Variants in TENM1 observed in about 807,000 individuals in gnomAD.
TENM1 encodes the protein teneurin-1.
A neutral mutation model predicts 174.8 loss-of-function variants in TENM1; 35 were observed. The observed-to-expected ratio is 0.20, with a 90% confidence interval of 0.15 to 0.27. The LOEUF (loss-of-function observed/expected upper bound fraction) is 0.27. Among genes scored for constraint, TENM1 ranks in the 10% least tolerant of loss-of-function variants. TENM1 has a pLI of 1.00. For synonymous variants in TENM1, 781 were observed against 798.7 expected (o/e 0.98, Z 0.37); for missense variants, 1,633 against 2,130.1 (o/e 0.77, Z 4.59).
intron 3 of TENM1, among the ~76,000 whole-genome samples, chrX:124,866,348 CAA>C (rs1468377285): frequency 9.0e-6 from 1 of 111,582 alleles, no homozygotes; most frequent in Non-Finnish European, 1.9e-5. Context: ...AAATTAATAA[CAA>C]GAGGAATTTT....
chrX:124,531,380 A>C lies in TENM1; in HGVS notation c.2652-1397T>G, dbSNP rs1239704103. 2.7e-5 allele frequency among the ~76,000 whole-genome samples: 3 copies of C among 110,967 alleles called. No individual in the cohort carries two copies. The East Asian group carries it at 8.6e-4, about 32-fold the overall frequency. The stretch of plus-strand genomic sequence containing the variant: ...GAATAAGCTACAGATGGTAGCTTAT[A>C]ATAAGCCAGAGTTGGTTGTATATGT... On this transcript the variant is annotated intron_variant, in intron 15 of 31. Transcript: ENST00000422452.
At chrX:124,657,786 C>A (rs1403524568) in intron 6 of TENM1, among the ~76,000 whole-genome samples, 3 of 111,573 alleles carry the variant, frequency 2.7e-5, no homozygotes, top group Non-Finnish European at 3.8e-5. Context: ...ATGGTATAGC[C>A]CATAACAGCA....
chrX:124,915,589 C>T (rs752759199), intron 1 of TENM1, among the ~76,000 whole-genome samples: 1 of 112,406 alleles, frequency 8.9e-6, no homozygotes, highest in East Asian at 2.8e-4. Context: ...CATTGTATAA[C>T]CAGTATCCAA....
intron 11 of TENM1, among the ~76,000 whole-genome samples, chrX:124,587,876 G>T (rs201745684): frequency 9.0e-6 from 1 of 111,219 alleles, no homozygotes; most frequent in Non-Finnish European, 1.9e-5. Context: ...AAAAGTGGGC[G>T]AAGGACATGA....
intron 4 of TENM1, among the ~76,000 whole-genome samples, chrX:124,717,975 T>C (rs986514891): frequency 2.7e-5 from 3 of 112,603 alleles, no homozygotes; most frequent in Non-Finnish European, 3.8e-5. Flanking sequence ...ATACTACTTT[T>C]ATAAGGTCCG....
intron 1 of TENM1, among the ~76,000 whole-genome samples, chrX:124,917,752 C>T (rs765365408): frequency 8.9e-6 from 1 of 111,879 alleles, no homozygotes; most frequent in East Asian, 2.8e-4. Context: ...ACTCTGAACA[C>T]CCCTGTCTAA....
At chrX:125,029,953 A>C in the TENM1 span, among the ~76,000 whole-genome samples, 1 of 112,073 alleles carries the variant, frequency 8.9e-6, no homozygotes, top group Non-Finnish European at 1.9e-5. Context: ...TAACCTATTT[A>C]CCGGCACAAC....
intron 10 of TENM1, 29 bp downstream of exon 13, chrX:124,645,114 G>GA: frequency 8.4e-7 from 1 of 1,188,508 alleles, no homozygotes; most frequent in African/African-American, 1.7e-5. Context: ...AGAAAAGCCT[G>GA]AAGCAATAGA....
intron 25 of TENM1, among the ~76,000 whole-genome samples, chrX:124,414,010 T>C (rs1185124650): frequency 8.9e-6 from 1 of 112,153 alleles, no homozygotes; most frequent in Admixed American, 9.4e-5. Context: ...TAGCCATCCA[T>C]GATAAAACTG....
the TENM1 span, among the ~76,000 whole-genome samples, chrX:125,080,186 G>T: frequency 9.1e-6 from 1 of 110,448 alleles, no homozygotes; most frequent in Non-Finnish European, 1.9e-5. Context: ...TATATGAAAA[G>T]GCCAATAAAC....
intron 11 of TENM1, among the ~76,000 whole-genome samples, chrX:124,625,192 TA>T (rs1298803603): frequency 9.0e-6 from 1 of 111,639 alleles, no homozygotes; most frequent in Non-Finnish European, 1.9e-5. Context: ...CATTATACTA[TA>T]AAAATGCATT....
At chrX:124,851,925 T>C (rs998011307) in intron 3 of TENM1, among the ~76,000 whole-genome samples, 1 of 111,243 alleles carries the variant, frequency 9.0e-6, no homozygotes, top group African/African-American at 3.3e-5. Flanking sequence ...AGATAAACGA[T>C]ACAGAATGCT....
intron 3 of TENM1, among the ~76,000 whole-genome samples, chrX:124,886,341 A>C (rs1185215583): frequency 9.1e-6 from 1 of 109,940 alleles, no homozygotes; most frequent in Admixed American, 9.8e-5. Flanking sequence ...TAACTTCTAC[A>C]TTCAAGTTTG....
At chrX:124,667,211 A>T (rs1308457521) in intron 6 of TENM1, among the ~76,000 whole-genome samples, 3 of 111,826 alleles carry the variant, frequency 2.7e-5, no homozygotes, top group Non-Finnish European at 5.6e-5. Context: ...TATAGACATT[A>T]TATAACTCAG....
chrX:124,969,792 T>C, the TENM1 span, among the ~76,000 whole-genome samples: 1 of 111,951 alleles, frequency 8.9e-6, no homozygotes, highest in Non-Finnish European at 1.9e-5. Flanking sequence ...GGCAGAATGA[T>C]CTTAGGAAAA....
At chrX:125,112,728 G>C in the TENM1 span, among the ~76,000 whole-genome samples, 3 of 111,447 alleles carry the variant, frequency 2.7e-5, no homozygotes, top group African/African-American at 9.8e-5. Context: ...TTAAAAATTT[G>C]TTATTATATA....
chrX:124,605,151 G>A (rs1490449799), intron 11 of TENM1, among the ~76,000 whole-genome samples: 1 of 103,015 alleles, frequency 9.7e-6, no homozygotes, highest in Non-Finnish European at 2.0e-5. Flanking sequence ...AACCAAAAAT[G>A]AGGCTGCATT....
At chrX:124,942,361 G>A (rs779077156) in intron 1 of TENM1, among the ~76,000 whole-genome samples, 8 of 111,250 alleles carry the variant, frequency 7.2e-5, no homozygotes, top group Non-Finnish European at 1.3e-4. Context: ...CTACAGAAAC[G>A]ACAAAAGTTT....
rs144720160 is a variant in TENM1 at position 124,387,653 on chromosome X, T to C, written c.5689-1589A>G. ...CATTACATTCTAATATTGAATGTGC[T>C]TTCTGAAACTGCATATCCTCCCTAC... On this transcript the variant is annotated intron_variant, in intron 28 of 31. Coordinates refer to ENST00000422452, the Ensembl canonical transcript of TENM1. 4.0e-3 allele frequency among the ~76,000 whole-genome samples: 453 copies of C among 112,780 alleles called. 4 individuals carry two copies. Among genetic ancestry groups the C allele is most frequent in the African/African-American group, 0.014 (437 of 31,091 alleles).
Sources: gnomAD v4.1 joint callset for allele counts (sites outside exome capture counted in the v4.1 genomes callset) on GRCh38, gnomAD v4.1.1 for gene constraint, MANE v1.5 for transcripts, NCBI Gene and HGNC (gene_info 2026-07-23, HGNC 2026-07-21) for gene names.